Variants in PDIA5 observed in about 807,000 individuals in gnomAD.
PDIA5 encodes the protein protein disulfide isomerase family A member 5, also known as protein disulfide-isomerase A5.
In PDIA5, 58 loss-of-function variants were observed where a neutral mutation model predicts 77.6. That is an observed-to-expected ratio of 0.75 (90% CI 0.61 to 0.93). The LOEUF is 0.93. Ranked by LOEUF, PDIA5 falls within the 40% of genes least tolerant of loss-of-function variation. The probability of loss-of-function intolerance (pLI) is 0.00; values close to 1 mark genes in which losing one functional copy is unlikely to be tolerated. For synonymous variants in PDIA5, 250 were observed against 252.1 expected (o/e 0.99, Z 0.08); for missense variants, 630 against 647.7 (o/e 0.97, Z 0.30).
intron 1 of PDIA5, among the ~76,000 whole-genome samples, chr3:123,069,836 T>C (rs1933678427): frequency 6.6e-6 from 1 of 152,096 alleles, no homozygotes; most frequent in African/African-American, 2.4e-5. Flanking sequence ...ACACCTGTAA[T>C]CCCAGCAGTT....
chr3:123,114,983 C>T (rs1026196802), intron 7 of PDIA5, among the ~76,000 whole-genome samples: 2 of 152,094 alleles, frequency 1.3e-5, no homozygotes, highest in African/African-American at 2.4e-5. Context: ...GCATCTTGTC[C>T]GGTAGGCTTG....
intron 8 of PDIA5, among the ~76,000 whole-genome samples, chr3:123,121,173 C>A (rs1218009950): frequency 6.6e-6 from 1 of 152,182 alleles, no homozygotes; most frequent in African/African-American, 2.4e-5. Flanking sequence ...TGCTCCATTT[C>A]TTGGGCCACA....
At chr3:123,078,662 C>T (rs1447630113) in intron 1 of PDIA5, among the ~76,000 whole-genome samples, 2 of 152,174 alleles carry the variant, frequency 1.3e-5, no homozygotes, top group African/African-American at 2.4e-5. Context: ...CACAGTACAA[C>T]GATCAAAACT....
chr3:123,102,916 T>A, intron 5 of PDIA5, 120 bp downstream of exon 5: 2 of 721,414 alleles, frequency 2.8e-6, no homozygotes, highest in Non-Finnish European at 5.1e-6. Flanking sequence ...CTAAATGACC[T>A]GAGAGATTCT....
At chr3:123,089,322 C>A in intron 2 of PDIA5, 28 bp downstream of exon 2, 1 of 1,610,298 alleles carries the variant, frequency 6.2e-7, no homozygotes, top group Non-Finnish European at 8.5e-7. Flanking sequence ...GCCTTGAGGT[C>A]AACCATCGGG....
At chr3:123,151,770 GCCT>G (rs1935901454) in intron 14 of PDIA5, among the ~76,000 whole-genome samples, 2 of 118,458 alleles carry the variant, frequency 1.7e-5, no homozygotes, top group Non-Finnish European at 3.7e-5. Context: ...CTGCCTGCCT[GCCT>G]GCCTGCCTGG....
In PDIA5 at chr3:123,161,433, A is replaced by G; in HGVS notation, c.1457A>G (p.Glu486Gly). 6.2e-7 allele frequency: 1 copy of G among 1,614,144 alleles called. No individual in the cohort carries two copies. The highest frequency in any genetic ancestry group is 8.5e-7 in the Non-Finnish European group (1 of 1,180,014). Residue 486 changes from glutamate (E) to glycine (G), a missense_variant, in exon 16 of 17, where the codon GAA becomes GGA. By Grantham distance (98) the Glu-to-Gly change is moderately conservative. Coordinates refer to ENST00000316218, the MANE Select transcript of PDIA5 (RefSeq NM_006810.4). ...FHYYHYGKFA[E>G]KYDSDRTELG... ...TACTACCACTATGGGAAGTTCGCAG[A>G]AAAGTATGACAGCGACCGCACAGTA... is the stretch of plus-strand genomic sequence containing the variant.
At chr3:123,155,096 C>A (rs946207916) in intron 15 of PDIA5, 55 bp downstream of exon 15, 1 of 1,222,754 alleles carries the variant, frequency 8.2e-7, no homozygotes, top group Non-Finnish European at 1.2e-6. Flanking sequence ...CCTACACCTT[C>A]CTTCTTGTCA....
intron 11 of PDIA5, among the ~76,000 whole-genome samples, chr3:123,140,146 C>A (rs1044044496): frequency 6.6e-6 from 1 of 151,942 alleles, no homozygotes; most frequent in Admixed American, 6.6e-5. Flanking sequence ...ATGTATGCTC[C>A]AGGTGGGTAG....
At chr3:123,097,164 G>T (rs1183650488) in intron 3 of PDIA5, among the ~76,000 whole-genome samples, 1 of 152,162 alleles carries the variant, frequency 6.6e-6, no homozygotes, top group East Asian at 1.9e-4. Context: ...AAAACTATTT[G>T]AATTTAGCAT....
At chr3:123,077,775 A>G (rs72974430) in intron 1 of PDIA5, among the ~76,000 whole-genome samples, 1,541 of 151,976 alleles carry the variant, frequency 0.01, 30 homozygotes, top group African/African-American at 0.035. Context: ...TTACCCTTTT[A>G]AGGGGCATAC....
In PDIA5 at chr3:123,088,712, G is replaced by T. The variant is rs79101758; in HGVS notation, c.43-456G>T. 4.1e-3 allele frequency among the ~76,000 whole-genome samples: 627 copies of T among 152,248 alleles called. 15 individuals carry two copies. The highest frequency in any genetic ancestry group is 0.026 in the Admixed American group (390 of 15,294). ...CTTTATATAAAATGGCATGGTATTT[G>T]CATCTAACCTATGCATGACTTCCTG... On this transcript the variant is annotated intron_variant, in intron 1 of 16. Transcript: ENST00000316218.
chr3:123,151,979 T>C (rs371296294), intron 14 of PDIA5, among the ~76,000 whole-genome samples: 1 of 120,192 alleles, frequency 8.3e-6, no homozygotes, highest in African/African-American at 4.4e-5. Context: ...CTTCCTGCCT[T>C]CCTTCCTGCC....
intron 3 of PDIA5, among the ~76,000 whole-genome samples, chr3:123,100,677 C>A (rs1255844063): frequency 1.3e-5 from 2 of 152,204 alleles, no homozygotes; most frequent in Non-Finnish European, 2.9e-5. Flanking sequence ...CCACCACACA[C>A]CTCTCCAGTA....
intron 3 of PDIA5, among the ~76,000 whole-genome samples, chr3:123,097,895 G>A (rs1934481522): frequency 6.6e-6 from 1 of 152,140 alleles, no homozygotes; most frequent in Non-Finnish European, 1.5e-5. Flanking sequence ...CAAAGTTAAT[G>A]TTAAGGCAGG....
At chr3:123,068,768 G>A (rs1576428236) in intron 1 of PDIA5, among the ~76,000 whole-genome samples, 1 of 152,204 alleles carries the variant, frequency 6.6e-6, no homozygotes, top group African/African-American at 2.4e-5. Context: ...TGTACCTGCC[G>A]TCTGGTGTTG....
intron 11 of PDIA5, among the ~76,000 whole-genome samples, chr3:123,134,078 C>T (rs1387944489): frequency 2.0e-5 from 3 of 151,754 alleles, no homozygotes; most frequent in African/African-American, 7.3e-5. Flanking sequence ...GGCTGGAGTG[C>T]AGTGGCACAA....
At chr3:123,079,738 G>A (rs1933947682) in intron 1 of PDIA5, among the ~76,000 whole-genome samples, 1 of 152,160 alleles carries the variant, frequency 6.6e-6, no homozygotes, top group South Asian at 2.1e-4. Context: ...ATGATAAATT[G>A]TGCCAGCTAC....
At position 123,077,842 on chromosome 3, in the gene PDIA5, C is replaced by T. The variant is rs180815776; in HGVS notation, c.42+10636C>T. On this transcript the variant is annotated intron_variant, in intron 1 of 16. Transcript: ENST00000316218. ...TTTTTTTTTTTGAGACAGAGTCTCACTCTGTTGCCCAGGCTGGAGTGCAGT... is the reference window on the plus strand; with the variant it reads ...TTTTTTTTTTTGAGACAGAGTCTCATTCTGTTGCCCAGGCTGGAGTGCAGT... Among the ~76,000 whole-genome samples, 1,438 of 149,976 alleles carry T rather than the reference C, an allele frequency of 9.6e-3. 22 individuals are homozygous for T. Among genetic ancestry groups the T allele is most frequent in the African/African-American group, 0.032 (1,318 of 40,788 alleles).
Sources: allele counts gnomAD v4.1 joint callset (sites outside exome capture counted in the v4.1 genomes callset), GRCh38; gene constraint gnomAD v4.1.1; transcripts MANE v1.5; gene names NCBI Gene and HGNC (gene_info 2026-07-23, HGNC 2026-07-21).